The following EYS variants were observed in gnomAD, a reference collection of about 807,000 sequenced individuals.
EYS encodes EGF-like photoreceptor maintenance factor.
A neutral mutation model predicts 282.1 loss-of-function variants in EYS; 250 were observed. The observed-to-expected ratio is 0.89, with a 90% CI of 0.80 to 0.98. The LOEUF (loss-of-function observed/expected upper bound fraction) is 0.98. Among genes scored for constraint, EYS ranks in the 50% least tolerant of loss-of-function variants. EYS has a pLI of 0.00. For synonymous variants in EYS, 1,355 were observed against 1,282.9 expected (o/e 1.06, Z -1.20); for missense variants, 4,016 against 3,709.0 (o/e 1.08, Z -2.15).
At chr6:65,029,836 G>A (rs1772540624) in intron 13 of EYS, among the ~76,000 whole-genome samples, 1 of 152,140 alleles carries the variant, frequency 6.6e-6, no homozygotes, top group Non-Finnish European at 1.5e-5. Flanking sequence ...GCTGAATGGG[G>A]AGCAATCTGG....
chr6:65,175,925 C>T (rs1765212684), intron 12 of EYS, among the ~76,000 whole-genome samples: 1 of 151,350 alleles, frequency 6.6e-6, no homozygotes, highest in African/African-American at 2.4e-5. Context: ...TTATTTTCCC[C>T]CAAATCTTTA....
intron 39 of EYS, 85 bp from the exon 40 acceptor site, chr6:63,778,265 A>G (rs762251155): frequency 3.9e-5 from 53 of 1,373,170 alleles, no homozygotes; most frequent in Middle Eastern, 1.8e-4. Context: ...TTTTTAAAGT[A>G]GAAGTTTTTC....
intron 28 of EYS, among the ~76,000 whole-genome samples, chr6:64,429,724 C>A (rs993060602): frequency 6.6e-6 from 1 of 151,992 alleles, no homozygotes. Flanking sequence ...TCTTTTCCCA[C>A]GTTAAATGAT....
At position 65,370,430 on chromosome 6, in the gene EYS, A is replaced by C. The variant is rs1268009580; in HGVS notation, c.1299+13956T>G. On this transcript the variant is annotated intron_variant, in intron 8 of 42. Transcript: ENST00000503581. ...GCCACCAGATCACACTAATTAAAAA[A>C]AAAAAATAGAAATTGCATCTCATGA... Among the ~76,000 whole-genome samples the C allele has an allele frequency of 2.0e-5, 3 of 151,036 alleles. No homozygotes were observed. The Admixed American group carries it at 2.0e-4, about 10-fold the overall frequency.
At chr6:65,436,027 C>A (rs961793561) in intron 5 of EYS, among the ~76,000 whole-genome samples, 1 of 151,778 alleles carries the variant, frequency 6.6e-6, no homozygotes, top group South Asian at 2.1e-4. Flanking sequence ...GTACATGGCC[C>A]TTTTTTTTAC....
At chr6:64,548,428 C>A (rs1015115600) in intron 26 of EYS, among the ~76,000 whole-genome samples, 16 of 152,130 alleles carry the variant, frequency 1.1e-4, no homozygotes. Flanking sequence ...AGAACCAACC[C>A]AAATGTCCAA....
At chr6:65,560,717 T>C (rs981521559) in intron 2 of EYS, among the ~76,000 whole-genome samples, 2 of 152,116 alleles carry the variant, frequency 1.3e-5, no homozygotes, top group South Asian at 2.1e-4. Context: ...AATGGATATA[T>C]ATAATGAATA....
At chr6:64,827,176 A>G (rs372369657) in intron 19 of EYS, among the ~76,000 whole-genome samples, 31 of 151,986 alleles carry the variant, frequency 2.0e-4, no homozygotes, top group South Asian at 1.2e-3. Flanking sequence ...AAAATTAAAC[A>G]TTCTCAATAT....
chr6:63,885,110 A>G (rs1166193938), intron 35 of EYS, among the ~76,000 whole-genome samples: 2 of 152,210 alleles, frequency 1.3e-5, no homozygotes, highest in African/African-American at 4.8e-5. Context: ...CCATATTTTA[A>G]TCAGGACTTA....
At chr6:64,107,159 T>C (rs1773043359) in intron 31 of EYS, among the ~76,000 whole-genome samples, 1 of 150,318 alleles carries the variant, frequency 6.7e-6, no homozygotes, top group Non-Finnish European at 1.5e-5. Flanking sequence ...ACATTCCTGT[T>C]ATATCTGACT....
At position 65,037,839 on chromosome 6, in the gene EYS, A is replaced by G. The variant is rs559690279; in HGVS notation, c.2137+19775T>C. Among the ~76,000 whole-genome samples, 8 of 151,842 alleles carry G rather than the reference A, an allele frequency of 5.3e-5. 1 individual carries two copies. Among genetic ancestry groups the G allele is most frequent in the African/African-American group, 1.9e-4 (8 of 41,520 alleles). ...ATATTCTAGTATCATATGTAAATACATGCATGTACATATATTTATATTTAT... is the reference window on the plus strand; with the variant it reads ...ATATTCTAGTATCATATGTAAATACGTGCATGTACATATATTTATATTTAT... On this transcript the variant is annotated intron_variant, in intron 13 of 42. Coordinates refer to ENST00000503581, the MANE Select transcript of EYS (RefSeq NM_001142800.2).
chr6:64,174,451 A>G (rs916539310), intron 31 of EYS, among the ~76,000 whole-genome samples: 1 of 151,880 alleles, frequency 6.6e-6, no homozygotes, highest in Non-Finnish European at 1.5e-5. Flanking sequence ...ATGTAATGTT[A>G]TAATCTTTTT....
At chr6:64,855,200 T>C (rs1308234817) in intron 19 of EYS, among the ~76,000 whole-genome samples, 1 of 152,048 alleles carries the variant, frequency 6.6e-6, no homozygotes, top group African/African-American at 2.4e-5. Context: ...GTTGTACTCA[T>C]CCTGATTGAG....
chr6:65,044,201 C>T (rs1312515473), intron 13 of EYS, among the ~76,000 whole-genome samples: 3 of 151,772 alleles, frequency 2.0e-5, no homozygotes, highest in Non-Finnish European at 4.4e-5. Context: ...TGAGAAACGT[C>T]TGTTCAGATC....
intron 2 of EYS, among the ~76,000 whole-genome samples, chr6:65,519,478 A>G (rs1767266253): frequency 6.6e-6 from 1 of 150,546 alleles, no homozygotes; most frequent in African/African-American, 2.4e-5. Context: ...CATACCAAAT[A>G]CTAGATAACT....
intron 19 of EYS, among the ~76,000 whole-genome samples, chr6:64,867,683 A>G (rs548055888): frequency 5.9e-5 from 9 of 151,736 alleles, no homozygotes; most frequent in Admixed American, 1.3e-4. Context: ...ATATTCATTT[A>G]CTAAACCAAG....
intron 8 of EYS, among the ~76,000 whole-genome samples, chr6:65,369,727 C>G (rs1159341594): frequency 6.6e-6 from 1 of 151,602 alleles, no homozygotes; most frequent in Non-Finnish European, 1.5e-5. Context: ...TCCTTAGCAG[C>G]AAACTTGGCT....
chr6:65,542,330 C>A (rs1037755257), intron 2 of EYS, among the ~76,000 whole-genome samples: 15 of 152,072 alleles, frequency 9.9e-5, no homozygotes, highest in African/African-American at 3.4e-4. Context: ...AAGTATTTTA[C>A]AATATACCAT....
At chr6:65,366,926 T>C (rs1764934652) in intron 8 of EYS, among the ~76,000 whole-genome samples, 1 of 151,670 alleles carries the variant, frequency 6.6e-6, no homozygotes, top group South Asian at 2.1e-4. Flanking sequence ...ACCTTCTCTG[T>C]CTCTGATTCT....
Sources: allele counts gnomAD v4.1 joint callset (sites outside exome capture counted in the v4.1 genomes callset), GRCh38; gene constraint gnomAD v4.1.1; transcripts MANE v1.5; gene names NCBI Gene and HGNC (gene_info 2026-07-23, HGNC 2026-07-21).